The following GLIS1 variants were observed in gnomAD, a reference collection of about 807,000 sequenced individuals.
GLIS1 encodes the protein GLIS family zinc finger 1.
A neutral mutation model predicts 63.8 loss-of-function variants in GLIS1; 24 were observed. The observed-to-expected ratio is 0.38, with a 90% CI of 0.27 to 0.53. The LOEUF is 0.53. GLIS1 is among the 20% of genes least tolerant of loss of function. The probability of loss-of-function intolerance (pLI) is 0.85; values close to 1 mark genes in which losing one functional copy is unlikely to be tolerated. For missense variants in GLIS1, 1,036 were observed against 1,074.1 expected (o/e 0.96, Z 0.50); for synonymous variants, 450 against 482.5 (o/e 0.93, Z 0.88).
chr1:53,557,158 C>G lies in GLIS1; in HGVS notation c.1321-27206G>C, dbSNP rs919107581. 3.9e-5 allele frequency among the ~76,000 whole-genome samples: 6 copies of G among 152,016 alleles called. No individual in the cohort carries two copies. The South Asian group carries it at 6.2e-4, about 16-fold the overall frequency. ...AGCATCCCCAGACCCTCTCACCTCC[C>G]GAAACACCAGAATGAGCCCACAGCC... On this transcript the variant is annotated intron_variant, in intron 4 of 10. Coordinates refer to ENST00000628545, the MANE Select transcript of GLIS1 (RefSeq NM_001367484.1).
chr1:53,704,948 C>A lies in GLIS1; in HGVS notation c.259+32858G>T, dbSNP rs528592858. On this transcript the variant is annotated intron_variant, in intron 2 of 10. Coordinates refer to ENST00000628545, the MANE Select transcript of GLIS1 (RefSeq NM_001367484.1). ...CCTCATGGGAGGCAGAAAAGAGAGT[C>A]TCCTCCCCATTTTGCAGATGAGTAA... is the stretch of plus-strand genomic sequence containing the variant. Among the ~76,000 whole-genome samples, 3 of 152,318 alleles carry A rather than the reference C, an allele frequency of 2.0e-5. No individual in the cohort carries two copies. In the East Asian group the frequency reaches 5.8e-4, roughly 29 times the overall value.
chr1:53,554,643 G>T (rs569707180), intron 4 of GLIS1, among the ~76,000 whole-genome samples: 1 of 152,034 alleles, frequency 6.6e-6, no homozygotes, highest in Admixed American at 6.5e-5. Flanking sequence ...CCCCCCCAGG[G>T]CAACAGGGCA....
At chr1:53,621,886 C>T (rs1307137327) in intron 2 of GLIS1, among the ~76,000 whole-genome samples, 1 of 152,196 alleles carries the variant, frequency 6.6e-6, no homozygotes, top group East Asian at 2.0e-4. Context: ...TCTCCGCTCA[C>T]TGCAATCTCT....
At position 53,594,916 on chromosome 1, in the gene GLIS1, G is replaced by A; in HGVS notation, c.512C>T (p.Pro171Leu). 6.6e-7 allele frequency: 1 copy of A among 1,513,126 alleles called. No homozygotes were observed. Among genetic ancestry groups the A allele is most frequent in the Non-Finnish European group, 8.8e-7 (1 of 1,139,286 alleles). The allele number at this position is 1,513,126 out of a possible 1,614,324, so 93.7% of individuals were successfully genotyped here. ...TTQHIKQESL[P>L]DYQAMAEART... The stretch of plus-strand genomic sequence containing the variant: ...GGCCTCTGCCATGGCTTGGTAGTCG[G>A]GCAAGGACTCCTGTTTGATGTGTTG... Residue 171 changes from proline (P) to leucine (L), a missense_variant, in exon 4 of 11, where the codon CCC (proline) becomes CTC (leucine). Physicochemically the swap from Pro to Leu is moderately conservative, Grantham distance 98. Around this residue, in one of 3 missense-constraint regions of GLIS1, gnomAD observed 592 missense variants for 593.9 expected, o/e 1.00. Transcript: ENST00000628545.
chr1:53,723,586 A>G (rs1003675109), intron 2 of GLIS1, among the ~76,000 whole-genome samples: 6 of 152,202 alleles, frequency 3.9e-5, no homozygotes, highest in African/African-American at 1.4e-4. Context: ...TCAATGATAT[A>G]AAACTATATT....
intron 2 of GLIS1, among the ~76,000 whole-genome samples, chr1:53,714,982 T>G (rs986400848): frequency 6.6e-6 from 1 of 152,256 alleles, no homozygotes; most frequent in East Asian, 1.9e-4. Context: ...AATGGCACAA[T>G]CATGCCTCAC....
intron 2 of GLIS1, among the ~76,000 whole-genome samples, chr1:53,651,415 T>C (rs1645905851): frequency 6.6e-6 from 1 of 152,164 alleles, no homozygotes; most frequent in Non-Finnish European, 1.5e-5. Context: ...ACCACAAAAT[T>C]TCCAAGAACA....
At chr1:53,667,275 A>T (rs1235837244) in intron 2 of GLIS1, among the ~76,000 whole-genome samples, 1 of 152,192 alleles carries the variant, frequency 6.6e-6, no homozygotes, top group East Asian at 1.9e-4. Context: ...TCCTTCTCTC[A>T]ATATGAGCTC....
Position 53,654,707 on chromosome 1 carries a change from T to C in GLIS1, c.260-54429A>G, listed in dbSNP as rs576665062. 4.3e-4 allele frequency among the ~76,000 whole-genome samples: 66 copies of C among 152,230 alleles called. 1 individual carries two copies. In the South Asian group the frequency reaches 7.3e-3, roughly 17 times the overall value. The stretch of plus-strand genomic sequence containing the variant: ...AGGGAGCGAGCCCTGGCAAATGCAC[T>C]GAGGGTCCCAGGACTGAGGCGACTG... On this transcript the variant is annotated intron_variant, in intron 2 of 10. Transcript: ENST00000628545.
At chr1:53,530,021 C>T in intron 4 of GLIS1, 69 bp from the exon 5 acceptor site, 2 of 1,481,516 alleles carry the variant, frequency 1.3e-6, no homozygotes, top group Admixed American at 1.9e-5. Flanking sequence ...GAAACTAACC[C>T]CCCAGGCCTG....
At position 53,506,557 on chromosome 1, in the gene GLIS1, G is replaced by T; in HGVS notation, c.*62C>A. On this transcript the variant is annotated 3_prime_UTR_variant, in exon 11 of 11. Coordinates refer to ENST00000628545, the MANE Select transcript of GLIS1 (RefSeq NM_001367484.1). ...TGCTAGGTGCACGGAGGGTGGGAGC[G>T]ACAGCAGGTGGGCGAGGTGGCATCT... is the stretch of plus-strand genomic sequence containing the variant. 1.9e-6 allele frequency: 3 copies of T among 1,541,852 alleles called. No individual in the cohort carries two copies. Among genetic ancestry groups the T allele is most frequent in the Non-Finnish European group, 2.7e-6 (3 of 1,122,374 alleles).
intron 2 of GLIS1, among the ~76,000 whole-genome samples, chr1:53,663,638 T>A (rs907772691): frequency 1.5e-4 from 23 of 152,256 alleles, no homozygotes; most frequent in African/African-American, 5.1e-4. Flanking sequence ...GAGTGAGCCA[T>A]CCCTTTCTGG....
At chr1:53,519,260 C>T (rs922789333) in intron 7 of GLIS1, among the ~76,000 whole-genome samples, 7 of 152,138 alleles carry the variant, frequency 4.6e-5, no homozygotes, top group African/African-American at 4.8e-5. Flanking sequence ...AGACCCTCCC[C>T]CAGGCATCCA....
At chr1:53,727,183 T>C (rs1243785043) in intron 2 of GLIS1, among the ~76,000 whole-genome samples, 1 of 152,268 alleles carries the variant, frequency 6.6e-6, no homozygotes, top group Non-Finnish European at 1.5e-5. Context: ...ATAAGTAACA[T>C]GACCTCTCTG....
At chr1:53,615,743 TTATTTTATTTTTA>T (rs1251785509) in intron 2 of GLIS1, among the ~76,000 whole-genome samples, 28 of 35,442 alleles carry the variant, frequency 7.9e-4, no homozygotes, top group Admixed American at 1.4e-3. Context: ...ATTCATTTAT[TTATTTTATTTTTA>T]TTTTTTTTGG....
intron 2 of GLIS1, among the ~76,000 whole-genome samples, chr1:53,710,553 T>C (rs1366114440): frequency 6.6e-6 from 1 of 152,218 alleles, no homozygotes. Flanking sequence ...TCCTCCAAGG[T>C]TCTGTATCAT....
At chr1:53,685,269 C>G (rs1646322308) in intron 2 of GLIS1, among the ~76,000 whole-genome samples, 1 of 152,230 alleles carries the variant, frequency 6.6e-6, no homozygotes. Flanking sequence ...CATGCTGCCA[C>G]ACACCCCTGC....
At chr1:53,681,532 C>A (rs1646274704) in intron 2 of GLIS1, among the ~76,000 whole-genome samples, 1 of 152,234 alleles carries the variant, frequency 6.6e-6, no homozygotes, top group African/African-American at 2.4e-5. Context: ...GTGGATGCCA[C>A]CAGGCTGGAC....
In GLIS1 at chr1:53,703,326, C is replaced by A. The variant is rs537295937; in HGVS notation, c.259+34480G>T. 5.9e-5 allele frequency among the ~76,000 whole-genome samples: 9 copies of A among 152,230 alleles called. No individual in the cohort carries two copies. The South Asian group carries it at 1.9e-3, about 32-fold the overall frequency. On this transcript the variant is annotated intron_variant, in intron 2 of 10. Coordinates refer to ENST00000628545, the MANE Select transcript of GLIS1 (RefSeq NM_001367484.1). ...ATGGGGCACCTGGTACAGGCCCTGG[C>A]ACCTAGAGCTGCTCAAAAGCATGAG...
Sources: gnomAD v4.1 joint callset for allele counts (sites outside exome capture counted in the v4.1 genomes callset) on GRCh38, gnomAD v4.1.1 for gene constraint, gnomAD v4.1.1 regional missense constraint, MANE v1.5 for transcripts, NCBI Gene and HGNC (gene_info 2026-07-23, HGNC 2026-07-21) for gene names.